CEP126: variants seen among roughly 807,000 people sequenced by gnomAD.
CEP126 encodes the protein centrosomal protein 126, also known as centrosomal protein of 126 kDa.
In CEP126, 74 loss-of-function variants were observed where a neutral mutation model predicts 107.8. The observed-to-expected ratio is 0.69, with a 90% CI of 0.57 to 0.83. The LOEUF is 0.83. Among genes scored for constraint, CEP126 ranks in the 40% least tolerant of loss-of-function variants. CEP126 has a pLI of 0.00. For synonymous variants in CEP126, 449 were observed against 446.0 expected, an observed-to-expected ratio of 1.01 and a Z score of -0.08; for missense variants, 1,237 against 1,281.9, an observed-to-expected ratio of 0.96 and a Z score of 0.53.
chr11:102,000,312 TGAA>T lies in CEP126; in HGVS notation c.*2674_*2676del, dbSNP rs1249696145. The stretch of plus-strand genomic sequence containing the variant: ...GAAGAAAAGAGTCTCCTTTCGAATG[TGAA>T]GAAGTAAATTTAGAGGAAATCAAAC... On this transcript the variant is annotated 3_prime_UTR_variant, in exon 11 of 11. Coordinates refer to ENST00000263468, the MANE Select transcript of CEP126 (RefSeq NM_020802.4). 3 of 152,240 alleles carry T rather than the reference TGAA, an allele frequency of 2.0e-5. No homozygotes were observed. In the South Asian group the frequency reaches 6.2e-4, roughly 31 times the overall value. The allele number at this position is 152,240 out of a possible 1,614,324, so 9.4% of individuals were successfully genotyped here.
chr11:101,949,442 C>A (rs936641383), intron 4 of CEP126, among the ~76,000 whole-genome samples: 6 of 152,062 alleles, frequency 3.9e-5, no homozygotes, highest in African/African-American at 1.4e-4. Context: ...AAGAGAAAGA[C>A]TTAGGCTAAA....
At position 101,963,898 on chromosome 11, in the gene CEP126, G is replaced by A; in HGVS notation, c.2845+18G>A. 1 of 1,489,800 alleles carries A rather than the reference G, an allele frequency of 6.7e-7. No individual in the cohort carries two copies. Among genetic ancestry groups the A allele is most frequent in the Non-Finnish European group, 9.1e-7 (1 of 1,093,854 alleles). The allele number at this position is 1,489,800 out of a possible 1,614,324, so 92.3% of individuals were successfully genotyped here. A position where few individuals can be genotyped will look rare whatever the true frequency, so the allele number is the denominator to read the frequency against. On this transcript the variant is annotated intron_variant, in intron 6 of 10. Coordinates refer to ENST00000263468, the MANE Select transcript of CEP126 (RefSeq NM_020802.4). ...GGCTACAGGTAAGAATAAATTTATA[G>A]CTTTTTATAGATAAAATGTACACCT...
intron 1 of CEP126, among the ~76,000 whole-genome samples, chr11:101,922,376 C>T (rs1940342209): frequency 6.6e-6 from 1 of 151,658 alleles, no homozygotes; most frequent in African/African-American, 2.4e-5. Flanking sequence ...CGTTGGCCAG[C>T]CGGGTCTTGA....
chr11:101,922,644 T>C lies in CEP126; in HGVS notation c.132T>C (p.Asp44=), dbSNP rs775882233. Residue 44 remains aspartate (D), a synonymous_variant, in exon 2 of 11, where the codon GAT becomes GAC. Transcript: ENST00000263468. ...GGHHRPGSYL[D]MKIHLEKNLE... Reference sequence around the variant, plus strand: ...CTTAACTTAATGCTATCATTAGAGATATGAAAATCCATCTGGAGAAAAATT... The same window carrying C: ...CTTAACTTAATGCTATCATTAGAGACATGAAAATCCATCTGGAGAAAAATT... 6.2e-7 allele frequency: 1 copy of C among 1,602,774 alleles called. No homozygotes were observed. The highest frequency in any genetic ancestry group is 8.5e-7 in the Non-Finnish European group (1 of 1,170,238).
rs1410702384 is a variant in CEP126 at position 101,963,666 on chromosome 11, A to ATATT, written c.2632_2635dup (p.Cys879LeufsTer38). The ATATT allele has an allele frequency of 6.2e-7, 1 of 1,614,032 alleles. No homozygotes were observed. Among genetic ancestry groups the ATATT allele is most frequent in the Non-Finnish European group, 8.5e-7 (1 of 1,180,030 alleles). The stretch of plus-strand genomic sequence containing the variant: ...TCACTGTGATACCATCACTGCCATC[A>ATATT]TATTGTTCTTCAGAGTGCCAAACTT... On this transcript the variant is annotated frameshift_variant, in exon 6 of 11. Coordinates refer to ENST00000263468, the MANE Select transcript of CEP126 (RefSeq NM_020802.4). LOFTEE classifies it high-confidence loss of function.
intron 5 of CEP126, among the ~76,000 whole-genome samples, chr11:101,961,113 A>T (rs980419046): frequency 1.3e-5 from 2 of 152,112 alleles, no homozygotes; most frequent in African/African-American, 4.8e-5. Context: ...GCCTAAACCC[A>T]TATGAAAATT....
chr11:101,958,070 A>G (rs1940922765), intron 4 of CEP126, 98 bp from the exon 5 acceptor site: 2 of 993,628 alleles, frequency 2.0e-6, no homozygotes, highest in Non-Finnish European at 3.0e-6. Context: ...TATCTGGACA[A>G]ACACACACGT....
intron 8 of CEP126, among the ~76,000 whole-genome samples, chr11:101,986,253 G>A (rs1941315573): frequency 6.6e-6 from 1 of 152,096 alleles, no homozygotes; most frequent in South Asian, 2.1e-4. Flanking sequence ...AAGGTGCTGG[G>A]ATTAGAGGCA....
intron 6 of CEP126, among the ~76,000 whole-genome samples, chr11:101,965,349 T>C (rs895342622): frequency 6.6e-6 from 1 of 152,010 alleles, no homozygotes; most frequent in East Asian, 1.9e-4. Context: ...AAACCATGAG[T>C]TTTTAAGGCC....
chr11:101,932,225 T>C (rs1448955511), intron 2 of CEP126, among the ~76,000 whole-genome samples: 2 of 152,220 alleles, frequency 1.3e-5, no homozygotes, highest in African/African-American at 4.8e-5. Context: ...GAAAGAAGTA[T>C]AGTAATCATC....
chr11:101,915,018 G>C lies in CEP126; in HGVS notation c.-267G>C, dbSNP rs765042538. On this transcript the variant is annotated 5_prime_UTR_variant, in exon 1 of 11. Transcript: ENST00000263468. ...TTTCCGTTGTCAAGGACGCGCCGTC[G>C]GTTGTTGTCAAGATGGCGGCTGCAG... The C allele has an allele frequency of 2.5e-6, 1 of 406,908 alleles. No individual in the cohort carries two copies. The highest frequency in any genetic ancestry group is 4.4e-6 in the Non-Finnish European group (1 of 228,284). The allele number at this position is 406,908 out of a possible 1,614,324, so 25.2% of individuals were successfully genotyped here. A position where few individuals can be genotyped will look rare whatever the true frequency, so the allele number is the denominator to read the frequency against.
At chr11:101,930,361 A>G (rs977407476) in intron 2 of CEP126, among the ~76,000 whole-genome samples, 1 of 152,110 alleles carries the variant, frequency 6.6e-6, no homozygotes, top group Non-Finnish European at 1.5e-5. Flanking sequence ...ATGTTATGTA[A>G]ATAGTTGTTA....
At chr11:101,929,726 T>A (rs1214139011) in intron 2 of CEP126, among the ~76,000 whole-genome samples, 2 of 152,178 alleles carry the variant, frequency 1.3e-5, no homozygotes, top group Non-Finnish European at 1.5e-5. Flanking sequence ...CAGGTGGAGA[T>A]GAAAGCCAGG....
chr11:101,962,300 G>T lies in CEP126; in HGVS notation c.1265G>T (p.Ser422Ile). The T allele has an allele frequency of 1.9e-6, 3 of 1,613,596 alleles. No homozygotes were observed. In the South Asian group the frequency reaches 3.3e-5, roughly 18 times the overall value. The change falls in exon 6 of 11, where the codon AGC (serine) becomes ATC (isoleucine). Residue 422 changes from serine (S) to isoleucine (I), a missense_variant. By Grantham distance (142) the Ser-to-Ile change is moderately radical (BLOSUM62 -2). Coordinates refer to ENST00000263468, the MANE Select transcript of CEP126 (RefSeq NM_020802.4). ...ACATTTAAATTTAGCAAATCCCAAAGCACTTCAGATTCTCTAACCCAGGAA... is the reference window on the plus strand; with the variant it reads ...ACATTTAAATTTAGCAAATCCCAAATCACTTCAGATTCTCTAACCCAGGAA... The part of the protein sequence containing the change: ...SPTFKFSKSQ[S>I]TSDSLTQEVA...
At chr11:101,921,289 T>C (rs1940321908) in intron 1 of CEP126, among the ~76,000 whole-genome samples, 1 of 152,196 alleles carries the variant, frequency 6.6e-6, no homozygotes, top group Non-Finnish European at 1.5e-5. Context: ...ACTTTCCTAC[T>C]ATAGATTAAG....
intron 6 of CEP126, among the ~76,000 whole-genome samples, chr11:101,969,958 A>G (rs757844465): frequency 6.6e-5 from 10 of 152,230 alleles, no homozygotes; most frequent in Non-Finnish European, 1.3e-4. Context: ...TAAATGTGGA[A>G]AGTAAATTTT....
chr11:101,934,021 G>C (rs1565351903), intron 2 of CEP126, among the ~76,000 whole-genome samples: 1 of 152,022 alleles, frequency 6.6e-6, no homozygotes, highest in Non-Finnish European at 1.5e-5. Context: ...AAAGTGTGAA[G>C]ATACTCACAG....
Position 101,992,807 on chromosome 11 carries a change from T to C in CEP126, c.3274T>C (p.Ser1092Pro). 1 of 1,531,932 alleles carries C rather than the reference T, an allele frequency of 6.5e-7. No homozygotes were observed. Among genetic ancestry groups the C allele is most frequent in the Non-Finnish European group, 8.8e-7 (1 of 1,138,464 alleles). 94.9% of individuals were successfully genotyped at this position (1,531,932 alleles called of 1,614,324 possible). The part of the protein sequence containing the change: ...YIQESICKNP[S>P]IKNTLQIIPL... ...ACAAGAATCCATTTGCAAAAACCCA[T>C]CCATCAAAAATACTTTACAAATAAT... is the stretch of plus-strand genomic sequence containing the variant. The change falls in exon 10 of 11, where the codon TCC becomes CCC. Residue 1092 changes from serine to proline, a missense_variant. Physicochemically the swap from Ser to Pro is moderately conservative, Grantham distance 74. Coordinates refer to ENST00000263468, the MANE Select transcript of CEP126 (RefSeq NM_020802.4).
rs1423212126 is a variant in CEP126, at chr11:101,997,599, G to A, written c.3310G>A (p.Glu1104Lys). The A allele has an allele frequency of 2.5e-6, 4 of 1,612,316 alleles. No individual in the cohort carries two copies. The highest frequency in any genetic ancestry group is 3.4e-6 in the Non-Finnish European group (4 of 1,179,918). Residue 1104 changes from glutamate (E) to lysine (K), a missense_variant and splice_region_variant, in exon 11 of 11, where the codon GAG becomes AAG. By Grantham distance (56) the Glu-to-Lys change is moderately conservative. This residue lies in a region of CEP126 where 99 missense variants were observed against 114.4 expected (regional missense o/e 0.87). Transcript: ENST00000263468. ...CTTGTTTCTTCTTTCTGATTTCCAG[G>A]AGAAGAGAGAAGATAGAACCAGCAG... ...KNTLQIIPLLEKREDRTSSCR... is the reference protein window; with the variant it reads ...KNTLQIIPLLKKREDRTSSCR...
Sources: gnomAD v4.1 joint callset for allele counts (sites outside exome capture counted in the v4.1 genomes callset) on GRCh38, gnomAD v4.1.1 for gene constraint, gnomAD v4.1.1 regional missense constraint, MANE v1.5 for transcripts, NCBI Gene and HGNC (gene_info 2026-07-23, HGNC 2026-07-21) for gene names.